Variants in VPS53 observed in about 807,000 individuals in gnomAD.
VPS53 encodes VPS53 subunit of GARP complex.
Under a neutral mutation model 107.0 loss-of-function variants are expected in VPS53, and 70 were observed. The ratio of observed to expected loss-of-function variants is 0.65; its 90% confidence interval spans 0.54 to 0.80. VPS53 has a LOEUF of 0.80. Ranked by LOEUF, VPS53 falls within the 30% of genes least tolerant of loss-of-function variation. The probability of loss-of-function intolerance (pLI) is 0.00; values close to 1 mark genes in which losing one functional copy is unlikely to be tolerated. For synonymous variants in VPS53, 409 were observed against 393.3 expected (o/e 1.04, Z -0.47); for missense variants, 917 against 1,049.4 (o/e 0.87, Z 1.74).
chr17:706,402 T>C (rs780363172), intron 2 of VPS53, among the ~76,000 whole-genome samples: 5 of 151,790 alleles, frequency 3.3e-5, no homozygotes, highest in Non-Finnish European at 7.4e-5. Context: ...CCAGGCTTGG[T>C]GGCGCGTGTC....
At chr17:619,353 C>A (rs1969344176) in intron 11 of VPS53, among the ~76,000 whole-genome samples, 1 of 146,072 alleles carries the variant, frequency 6.8e-6, no homozygotes, top group African/African-American at 2.6e-5. Context: ...TCCCGGGTAG[C>A]TGGGACTACA....
intron 12 of VPS53, among the ~76,000 whole-genome samples, chr17:590,146 A>G (rs1967559744): frequency 6.6e-6 from 1 of 151,838 alleles, no homozygotes; most frequent in African/African-American, 2.4e-5. Context: ...GCAATTGTGA[A>G]TGGGAGTTCA....
intron 4 of VPS53, among the ~76,000 whole-genome samples, chr17:673,005 G>T (rs567843488): frequency 6.6e-6 from 1 of 151,848 alleles, no homozygotes; most frequent in Non-Finnish European, 1.5e-5. Flanking sequence ...CCAGCTACTC[G>T]GGAGACTTAG....
intron 7 of VPS53, among the ~76,000 whole-genome samples, chr17:639,749 T>TGTTGCTGCCTG (rs1970348184): frequency 6.6e-6 from 1 of 152,214 alleles, no homozygotes; most frequent in Non-Finnish European, 1.5e-5. Flanking sequence ...GAACAGCCAA[T>TGTTGCTGCCTG]GTTGCTGCCT....
intron 12 of VPS53, among the ~76,000 whole-genome samples, chr17:598,481 T>G (rs1968107647): frequency 6.8e-6 from 1 of 147,596 alleles, no homozygotes; most frequent in African/African-American, 2.5e-5. Flanking sequence ...GTGAGGAGCG[T>G]CTCCGCCCGG....
At position 546,127 on chromosome 17, in the gene VPS53, G is replaced by A. The variant is rs539443579; in HGVS notation, c.1866+5745C>T. On this transcript the variant is annotated intron_variant, in intron 17 of 21. Transcript: ENST00000437048. ...AAAAGAATAGTCGTTTCAACAAATA[G>A]TGCTGGGAAAGCTGAGTATCCTTTC... 7.9e-5 allele frequency among the ~76,000 whole-genome samples: 12 copies of A among 152,318 alleles called. No homozygotes were observed. In the South Asian group the frequency reaches 2.3e-3, roughly 29 times the overall value.
chr17:536,844 G>A lies in VPS53; in HGVS notation c.2015+184C>T, dbSNP rs140173498. ...TTGATGCAGGTTCATCCACTGTAAC[G>A]AATGTGCCACTTTGTGTGTGGGGAG... On this transcript the variant is annotated intron_variant, in intron 18 of 21. Transcript: ENST00000437048. The A allele has an allele frequency of 6.1e-5, 42 of 683,612 alleles. No homozygotes were observed. The African/African-American group carries it at 6.7e-4, about 11-fold the overall frequency. The allele number at this position is 683,612 out of a possible 1,614,324, so 42.3% of individuals were successfully genotyped here.
intron 15 of VPS53, among the ~76,000 whole-genome samples, chr17:558,015 A>G (rs1170018358): frequency 2.0e-5 from 3 of 152,030 alleles, no homozygotes; most frequent in Non-Finnish European, 4.4e-5. Context: ...ATGTACCACC[A>G]CACTCAACTA....
chr17:556,884 AG>A (rs1048153540), intron 15 of VPS53, among the ~76,000 whole-genome samples: 5 of 133,126 alleles, frequency 3.8e-5, no homozygotes, highest in Non-Finnish European at 8.1e-5. Context: ...TACCTACTGA[AG>A]GGGGGTGGCC....
chr17:540,546 T>C (rs1018892804), intron 17 of VPS53: 1 of 151,912 alleles, frequency 6.6e-6, no homozygotes, highest in African/African-American at 2.4e-5. Flanking sequence ...GTACCTTGCA[T>C]TGGAAGAACA....
Position 601,857 on chromosome 17 carries a change from G to A in VPS53, c.1156C>T (p.Leu386=), listed in dbSNP as rs1204369278. 3 of 1,601,730 alleles carry A rather than the reference G, an allele frequency of 1.9e-6. No individual in the cohort carries two copies. Among genetic ancestry groups the A allele is most frequent in the Admixed American group, 3.4e-5 (2 of 58,540 alleles). Residue 386 remains leucine (L), a synonymous_variant, in exon 12 of 22, where the codon CTG becomes TTG. Coordinates refer to ENST00000437048, the MANE Select transcript of VPS53 (RefSeq NM_001128159.3). The stretch of plus-strand genomic sequence containing the variant: ...ATCTCTGGTGTTGGCTCATCTTCCA[G>A]GAAGGGATTGGTAGATGGGGGTGGA... The part of the protein sequence containing the change: ...ESPPPSTNPF[L]EDEPTPEMEE...
At chr17:577,197 G>C (rs1201009006) in intron 13 of VPS53, among the ~76,000 whole-genome samples, 2 of 125,622 alleles carry the variant, frequency 1.6e-5, no homozygotes, top group African/African-American at 6.2e-5. Context: ...CCCTCAGGAC[G>C]TCAATGCGTT....
chr17:546,327 T>TATCACACACA (rs1555549991), intron 17 of VPS53, among the ~76,000 whole-genome samples: 38 of 93,200 alleles, frequency 4.1e-4, no homozygotes, highest in Non-Finnish European at 7.2e-4. Flanking sequence ...ATCTTAGATA[T>TATCACACACA]CTCACACACA....
rs190449775 is a variant in VPS53, at chr17:709,964, C to T, written c.168+569G>A. Among the ~76,000 whole-genome samples the T allele has an allele frequency of 2.6e-3, 389 of 152,050 alleles. 3 individuals carry two copies. Among genetic ancestry groups the T allele is most frequent in the African/African-American group, 9.1e-3 (376 of 41,476 alleles). Reference sequence around the variant, plus strand: ...GTTTGAGACCAGCCTGGCCAACATGCTGAAACCCCGTCTCTACTAAAATCA... The same window carrying T: ...GTTTGAGACCAGCCTGGCCAACATGTTGAAACCCCGTCTCTACTAAAATCA... On this transcript the variant is annotated intron_variant, in intron 2 of 21. Coordinates refer to ENST00000437048, the MANE Select transcript of VPS53 (RefSeq NM_001128159.3).
intron 4 of VPS53, chr17:674,127 T>C (rs1034466765): frequency 1.4e-4 from 22 of 152,310 alleles, no homozygotes; most frequent in Admixed American, 9.8e-4. Context: ...CACCTCCAAG[T>C]GGCAAAAGAC....
At chr17:606,573 G>T (rs1409520672) in intron 11 of VPS53, among the ~76,000 whole-genome samples, 2 of 152,088 alleles carry the variant, frequency 1.3e-5, no homozygotes, top group Non-Finnish European at 2.9e-5. Flanking sequence ...CACGGTACAA[G>T]GCGGTTCCAC....
At chr17:580,597 C>T (rs1218336890) in intron 13 of VPS53, among the ~76,000 whole-genome samples, 1 of 151,062 alleles carries the variant, frequency 6.6e-6, no homozygotes, top group Admixed American at 6.6e-5. Flanking sequence ...TAATGTGTTC[C>T]CAGGGAACCT....
At chr17:659,065 C>T (rs1290461746) in intron 5 of VPS53, among the ~76,000 whole-genome samples, 1 of 151,270 alleles carries the variant, frequency 6.6e-6, no homozygotes, top group Non-Finnish European at 1.5e-5. Context: ...TTAAGACCAC[C>T]ACCACTTTAC....
intron 5 of VPS53, among the ~76,000 whole-genome samples, chr17:658,740 C>T (rs998380082): frequency 4.1e-5 from 6 of 146,114 alleles, no homozygotes; most frequent in East Asian, 4.1e-4. Flanking sequence ...GTGAGACACT[C>T]GGCCGTGAGT....
Sources: allele counts gnomAD v4.1 joint callset (sites outside exome capture counted in the v4.1 genomes callset), GRCh38; gene constraint gnomAD v4.1.1; transcripts MANE v1.5; gene names NCBI Gene and HGNC (gene_info 2026-07-23, HGNC 2026-07-21).